ZNF695: variants seen among roughly 807,000 people sequenced by gnomAD.
ZNF695 encodes the protein zinc finger protein 695.
Under a neutral mutation model 11.2 loss-of-function variants are expected in ZNF695, and 11 were observed. The observed-to-expected ratio is 0.98, with a 90% CI of 0.62 to 1.62. The LOEUF (loss-of-function observed/expected upper bound fraction) is 1.62. Ranked by LOEUF, ZNF695 falls within the 40% of genes most tolerant of loss-of-function variation. ZNF695 has a pLI of 0.00. For synonymous variants in ZNF695, 190 were observed against 201.4 expected, an observed-to-expected ratio of 0.94 and a Z score of 0.48; for missense variants, 559 against 590.5, an observed-to-expected ratio of 0.95 and a Z score of 0.55.
rs563351086 is a variant in ZNF695, at chr1:246,977,090, AT to A, written c.391-9299del. Among the ~76,000 whole-genome samples the A allele has an allele frequency of 7.2e-5, 11 of 152,286 alleles. 1 individual carries two copies. In the South Asian group the frequency reaches 2.1e-3, roughly 29 times the overall value. ...CCTGCCATTCGCAAAGTTTATGAGCATTTTTTATGTTCCCTCAAGCCCCAGA... is the reference window on the plus strand; with the variant it reads ...CCTGCCATTCGCAAAGTTTATGAGCATTTTTATGTTCCCTCAAGCCCCAGA... On this transcript the variant is annotated intron_variant, in intron 4 of 5. Coordinates refer to the ZNF695 transcript ENST00000487338.
chr1:246,990,072 G>A (rs1668983426), intron 3 of ZNF695, among the ~76,000 whole-genome samples: 1 of 149,744 alleles, frequency 6.7e-6, no homozygotes, highest in African/African-American at 2.5e-5. Flanking sequence ...AGGGGAAAGG[G>A]AAGGGAAGGG....
intron 5 of ZNF695, among the ~76,000 whole-genome samples, chr1:246,957,104 C>T (rs1045139676): frequency 6.6e-6 from 1 of 152,090 alleles, no homozygotes; most frequent in Non-Finnish European, 1.5e-5. Flanking sequence ...GGAAACAGGC[C>T]GAGTGCGGTG....
In ZNF695 at chr1:246,986,333, G is replaced by T. The variant is rs979004604; in HGVS notation, c.*634C>A. 22 of 975,304 alleles carry T rather than the reference G, an allele frequency of 2.3e-5. No individual in the cohort carries two copies. Among genetic ancestry groups the T allele is most frequent in the Admixed American group, 6.2e-5 (1 of 16,238 alleles). 60.4% of individuals were successfully genotyped at this position (975,304 alleles called of 1,614,324 possible). A position where few individuals can be genotyped will look rare whatever the true frequency, so the allele number is the denominator to read the frequency against. The stretch of plus-strand genomic sequence containing the variant: ...TCCCCCGACCTCGGCATCCAAAAGT[G>T]CAGCAACTATAGGAAAGAGCCACCG... On this transcript the variant is annotated 3_prime_UTR_variant, in exon 4 of 4. Transcript: ENST00000339986.
At chr1:246,962,828 G>T (rs1375102140) in intron 5 of ZNF695, among the ~76,000 whole-genome samples, 1 of 151,984 alleles carries the variant, frequency 6.6e-6, no homozygotes, top group Non-Finnish European at 1.5e-5. Context: ...GAGTAGTTGG[G>T]ACTACAGGCA....
chr1:246,987,150 C>A lies in ZNF695; in HGVS notation c.1365G>T (p.Lys455Asn). Residue 455 changes from lysine to asparagine, a missense_variant, in exon 4 of 4, where the codon AAG becomes AAT. Transcript: ENST00000339986. ...AGGGTTTCTCTCCAGTATGAATTCT[C>A]TTATGATTAGTAAGATATGAAAACC... ...FNWFSYLTNH[K>N]RIHTGEKPYK... 1 of 1,613,682 alleles carries A rather than the reference C, an allele frequency of 6.2e-7. No individual in the cohort carries two copies. Among genetic ancestry groups the A allele is most frequent in the Non-Finnish European group, 8.5e-7 (1 of 1,179,922 alleles).
chr1:246,954,357 G>C (rs1252059345), intron 5 of ZNF695, among the ~76,000 whole-genome samples: 4 of 152,202 alleles, frequency 2.6e-5, no homozygotes, highest in Admixed American at 2.6e-4. Flanking sequence ...GCTGTTCCAG[G>C]GGAAAGGGTC....
chr1:246,949,445 G>T (rs898433942), intron 5 of ZNF695, among the ~76,000 whole-genome samples: 1 of 152,110 alleles, frequency 6.6e-6, no homozygotes, highest in Non-Finnish European at 1.5e-5. Flanking sequence ...ACAAAAACTA[G>T]TCGGGCATGT....
At chr1:247,001,424 A>G (rs912110590) in intron 1 of ZNF695, among the ~76,000 whole-genome samples, 2 of 151,796 alleles carry the variant, frequency 1.3e-5, no homozygotes, top group African/African-American at 2.4e-5. Flanking sequence ...AGAAAGAAAG[A>G]AAAGGAGCCG....
intron 3 of ZNF695, among the ~76,000 whole-genome samples, chr1:246,989,727 C>T (rs1668970473): frequency 6.6e-6 from 1 of 152,128 alleles, no homozygotes; most frequent in Admixed American, 6.5e-5. Flanking sequence ...CTTTAAGAAA[C>T]ACACTTGAGG....
At chr1:246,996,065 G>T (rs1337083645) in intron 3 of ZNF695, 1 of 451,934 alleles carries the variant, frequency 2.2e-6, no homozygotes, top group Non-Finnish European at 4.4e-6. Context: ...ACACAAATAG[G>T]CTGGCAGTGG....
At chr1:246,971,575 C>T (rs1193002964) in intron 4 of ZNF695, among the ~76,000 whole-genome samples, 1 of 152,178 alleles carries the variant, frequency 6.6e-6, no homozygotes, top group Non-Finnish European at 1.5e-5. Context: ...CTGGGCATGA[C>T]AGAGGGCTCA....
chr1:246,952,086 C>T (rs2102998874), intron 5 of ZNF695, among the ~76,000 whole-genome samples: 2 of 152,300 alleles, frequency 1.3e-5, no homozygotes, highest in Middle Eastern at 6.8e-3. Context: ...GTAGCTGGGA[C>T]TACAGTCGTA....
intron 3 of ZNF695, among the ~76,000 whole-genome samples, chr1:246,991,690 C>A (rs1669037701): frequency 6.6e-6 from 1 of 152,098 alleles, no homozygotes; most frequent in Non-Finnish European, 1.5e-5. Context: ...ATTAGTACCA[C>A]CACTATGAAG....
intron 4 of ZNF695, chr1:246,967,825 C>T (rs1668327442): frequency 3.2e-6 from 1 of 311,986 alleles, no homozygotes; most frequent in Admixed American, 4.1e-5. Context: ...GGGGGAAATG[C>T]TATACACTTT....
At chr1:247,007,359 G>A (rs1048090695) in intron 1 of ZNF695, among the ~76,000 whole-genome samples, 1 of 151,980 alleles carries the variant, frequency 6.6e-6, no homozygotes, top group Non-Finnish European at 1.5e-5. Context: ...AGCTGGGCGT[G>A]GTGGTGGGCG....
rs1434703038 is a variant in ZNF695, at chr1:246,999,405, G to C, written c.202C>G (p.Leu68Val). The change falls in exon 3 of 4, where the codon CTG becomes GTG. Residue 68 changes from leucine to valine, a missense_variant. Leu to Val is a conservative substitution (Grantham distance 32). Transcript: ENST00000339986. The part of the protein sequence containing the change: ...AMSKPELIIC[L>V]EARKEPWNVN... ...TTCCAGGGCTCTTTCCTTGCCTCCA[G>C]ACAGATGATCAGTTCTGGCTTAGAC... is the stretch of plus-strand genomic sequence containing the variant. The C allele has an allele frequency of 6.2e-7, 1 of 1,614,010 alleles. No individual in the cohort carries two copies. The highest frequency in any genetic ancestry group is 2.2e-5 in the East Asian group (1 of 44,886).
chr1:246,954,002 T>G (rs996503262), intron 5 of ZNF695, among the ~76,000 whole-genome samples: 5 of 149,946 alleles, frequency 3.3e-5, no homozygotes, highest in Admixed American at 3.3e-4. Flanking sequence ...TCAGGGTAAG[T>G]GTAGAGCTTG....
intron 4 of ZNF695, among the ~76,000 whole-genome samples, chr1:246,977,038 G>A (rs74155705): frequency 0.018 from 2,668 of 152,186 alleles, 74 homozygotes; most frequent in African/African-American, 0.058. Flanking sequence ...GATCAGTTAC[G>A]CACATATTTT....
intron 4 of ZNF695, among the ~76,000 whole-genome samples, chr1:246,970,640 CCAAAGCTGACA>C (rs1668401207): frequency 6.6e-6 from 1 of 152,212 alleles, no homozygotes; most frequent in African/African-American, 2.4e-5. Flanking sequence ...TAAACAATTC[CCAAAGCTGACA>C]CAGGGCTGGT....
Sources: allele counts gnomAD v4.1 joint callset (sites outside exome capture counted in the v4.1 genomes callset), GRCh38; gene constraint gnomAD v4.1.1; transcripts MANE v1.5; gene names NCBI Gene and HGNC (gene_info 2026-07-23, HGNC 2026-07-21).